The following CHN1 variants were observed in gnomAD, a reference collection of about 807,000 sequenced individuals.
CHN1 encodes the protein chimerin 1.
A neutral mutation model predicts 59.5 loss-of-function variants in CHN1; 37 were observed. The ratio of observed to expected loss-of-function variants is 0.62; its 90% CI spans 0.48 to 0.82. The LOEUF (loss-of-function observed/expected upper bound fraction) is 0.82. Among genes scored for constraint, CHN1 ranks in the 40% least tolerant of loss-of-function variants. CHN1 has a pLI of 0.00. For synonymous variants in CHN1, 206 were observed against 200.4 expected (o/e 1.03, Z -0.24); for missense variants, 469 against 571.0 (o/e 0.82, Z 1.82).
chr2:174,987,406 C>CTTTTTTTTT (rs893724969), intron 1 of CHN1, among the ~76,000 whole-genome samples: 1 of 140,784 alleles, frequency 7.1e-6, no homozygotes, highest in Non-Finnish European at 1.6e-5. Context: ...ACTCTTTTTT[C>CTTTTTTTTT]TTTTTTTTTT....
chr2:174,983,991 G>A (rs1196850059), intron 1 of CHN1, among the ~76,000 whole-genome samples: 1 of 151,704 alleles, frequency 6.6e-6, no homozygotes, highest in Non-Finnish European at 1.5e-5. Flanking sequence ...ATTTTCACTT[G>A]GTCTCAAATG....
At chr2:174,852,785 A>G (rs1218655918) in intron 6 of CHN1, among the ~76,000 whole-genome samples, 1 of 152,022 alleles carries the variant, frequency 6.6e-6, no homozygotes, top group Non-Finnish European at 1.5e-5. Context: ...CTCACACTTA[A>G]AACAATCTGA....
At chr2:174,962,663 CGGGG>C (rs539001023) in intron 1 of CHN1, among the ~76,000 whole-genome samples, 51 of 17,998 alleles carry the variant, frequency 2.8e-3, no homozygotes, top group Middle Eastern at 0.05. Context: ...TTGGAAGGCC[CGGGG>C]GGGGGGGGGG....
At chr2:174,947,350 A>G (rs538554279) in intron 2 of CHN1, among the ~76,000 whole-genome samples, 2 of 152,210 alleles carry the variant, frequency 1.3e-5, no homozygotes, top group East Asian at 1.9e-4. Context: ...TTACTTTTCA[A>G]TTTCTTTCAA....
At chr2:174,869,822 G>A (rs2105463640) in intron 6 of CHN1, among the ~76,000 whole-genome samples, 2 of 152,232 alleles carry the variant, frequency 1.3e-5, no homozygotes, top group South Asian at 4.2e-4. Context: ...CCATTCTAAA[G>A]TTAATAAGCA....
intron 5 of CHN1, among the ~76,000 whole-genome samples, chr2:174,888,530 AATAAG>A (rs1477596712): frequency 6.6e-6 from 1 of 152,240 alleles, no homozygotes; most frequent in African/African-American, 2.4e-5. Context: ...CAGTGCATTT[AATAAG>A]ATAAGGGTAA....
Position 175,004,941 on chromosome 2 carries a change from TCCAGGCGCTCCTC to T in CHN1, c.-42_-30del. 2.0e-6 allele frequency: 3 copies of T among 1,524,184 alleles called. No individual in the cohort carries two copies. The highest frequency in any genetic ancestry group is 2.6e-6 in the Non-Finnish European group (3 of 1,139,046). 94.4% of individuals were successfully genotyped at this position (1,524,184 alleles called of 1,614,324 possible). A position where few individuals can be genotyped will look rare whatever the true frequency, so the allele number is the denominator to read the frequency against. On this transcript the variant is annotated 5_prime_UTR_variant, in exon 1 of 13. Coordinates refer to ENST00000409900, the MANE Select transcript of CHN1 (RefSeq NM_001822.7). ...AAAGGCGCTCGCCGCCGCCCGCGAG[TCCAGGCGCTCCTC>T]CCAGGCGGGCTAGGGATCACCTCAT...
At chr2:174,909,067 G>T (rs1243441006) in intron 5 of CHN1, among the ~76,000 whole-genome samples, 1 of 152,060 alleles carries the variant, frequency 6.6e-6, no homozygotes, top group African/African-American at 2.4e-5. Context: ...AACTGTCTTT[G>T]GAACTCACAC....
At chr2:174,857,398 T>C (rs893753596) in intron 6 of CHN1, among the ~76,000 whole-genome samples, 2 of 152,156 alleles carry the variant, frequency 1.3e-5, no homozygotes, top group Non-Finnish European at 2.9e-5. Context: ...TTAAAGTTAA[T>C]TCATAAGATA....
chr2:174,974,558 A>G (rs1690858855), intron 1 of CHN1, among the ~76,000 whole-genome samples: 1 of 152,200 alleles, frequency 6.6e-6, no homozygotes, highest in Non-Finnish European at 1.5e-5. Flanking sequence ...CAAAAAAATG[A>G]ATTTTTACTG....
At chr2:174,863,189 G>GT (rs1553478795) in intron 6 of CHN1, among the ~76,000 whole-genome samples, 5 of 152,200 alleles carry the variant, frequency 3.3e-5, no homozygotes, top group Non-Finnish European at 5.9e-5. Flanking sequence ...GAAGACCTAC[G>GT]TAACTCAGTG....
rs531243193 is a variant in CHN1 at position 174,952,141 on chromosome 2, C to G, written c.58+23G>C. The G allele has an allele frequency of 2.9e-5, 40 of 1,375,378 alleles. No homozygotes were observed. In the East Asian group the frequency reaches 1.0e-3, roughly 36 times the overall value. 85.2% of individuals were successfully genotyped at this position (1,375,378 alleles called of 1,614,324 possible). ...ATATTACTTATAAAGCACTATAACC[C>G]ACACAATTATTTGTAGACTTACAGT... On this transcript the variant is annotated intron_variant, in intron 2 of 12. Transcript: ENST00000409900.
intron 3 of CHN1, among the ~76,000 whole-genome samples, chr2:174,920,787 A>G (rs924353152): frequency 6.6e-6 from 1 of 152,162 alleles, no homozygotes; most frequent in Non-Finnish European, 1.5e-5. Flanking sequence ...GAGCGGGGGT[A>G]TGGTTTCAGG....
chr2:174,805,981 A>C (rs1684873655), intron 11 of CHN1, among the ~76,000 whole-genome samples: 1 of 152,182 alleles, frequency 6.6e-6, no homozygotes, highest in Admixed American at 6.5e-5. Context: ...GGCCAGAGGA[A>C]GATTTCTCCC....
rs1574117464 is a variant in CHN1 at position 174,877,842 on chromosome 2, T to C, written c.547A>G (p.Arg183Gly). The change falls in exon 6 of 13, where the codon AGG becomes GGG. Residue 183 changes from arginine to glycine, a missense_variant and splice_region_variant. Coordinates refer to ENST00000409900, the MANE Select transcript of CHN1 (RefSeq NM_001822.7). ...STGQDGVSEK[R>G]LTSLVRRATL... ...AGTGTGGTTTCATAGTAGCTTACCCTTTTCTCTGACACCCCATCCTGGCCT... is the reference window on the plus strand; with the variant it reads ...AGTGTGGTTTCATAGTAGCTTACCCCTTTCTCTGACACCCCATCCTGGCCT... 6.2e-7 allele frequency: 1 copy of C among 1,610,254 alleles called. No homozygotes were observed. The highest frequency in any genetic ancestry group is 8.5e-7 in the Non-Finnish European group (1 of 1,177,776).
chr2:174,936,343 A>G (rs1362036474), intron 3 of CHN1, among the ~76,000 whole-genome samples: 2 of 152,248 alleles, frequency 1.3e-5, no homozygotes, highest in Non-Finnish European at 2.9e-5. Flanking sequence ...ATAATGGTCC[A>G]GTGCCAAATA....
At chr2:174,836,790 T>C (rs1051621320) in intron 7 of CHN1, among the ~76,000 whole-genome samples, 3 of 152,232 alleles carry the variant, frequency 2.0e-5, no homozygotes, top group African/African-American at 4.8e-5. Context: ...CTGGAGCTAC[T>C]GGTGCAGAGA....
At chr2:174,991,862 T>A (rs1462795886) in intron 1 of CHN1, among the ~76,000 whole-genome samples, 1 of 152,224 alleles carries the variant, frequency 6.6e-6, no homozygotes, top group East Asian at 1.9e-4. Flanking sequence ...ACCTGCTATG[T>A]GTGAAGCACT....
At chr2:174,811,224 T>A in intron 10 of CHN1, 1 of 253,078 alleles carries the variant, frequency 4.0e-6, no homozygotes, top group Admixed American at 5.3e-5. Context: ...TCTATCATTT[T>A]TGGTGAATGT....
Sources: allele counts gnomAD v4.1 joint callset (sites outside exome capture counted in the v4.1 genomes callset), GRCh38; gene constraint gnomAD v4.1.1; transcripts MANE v1.5; gene names NCBI Gene and HGNC (gene_info 2026-07-23, HGNC 2026-07-21).